The following DCAF8L2 variants were observed in gnomAD, a reference collection of about 807,000 sequenced individuals.
DCAF8L2 encodes DDB1- and CUL4-associated factor 8-like protein 2.
For missense variants in DCAF8L2, 430 were observed against 490.7 expected (o/e 0.88, Z 1.17); for synonymous variants, 200 against 190.9 (o/e 1.05, Z -0.39).
chrX:27,630,025 C>T (rs1464986274), intron 1 of DCAF8L2, among the ~76,000 whole-genome samples: 3 of 111,438 alleles, frequency 2.7e-5, no homozygotes, highest in South Asian at 3.7e-4. Context: ...TTCACCTCCT[C>T]GGTTAAGTTT....
intron 2 of DCAF8L2, among the ~76,000 whole-genome samples, chrX:27,641,012 A>C (rs1928696085): frequency 9.0e-6 from 1 of 111,019 alleles, no homozygotes; most frequent in South Asian, 3.7e-4. Flanking sequence ...ATTTATTTCC[A>C]TTTTCCCTGC....
chrX:27,716,857 T>C (rs1259770372), intron 4 of DCAF8L2, among the ~76,000 whole-genome samples: 1 of 111,715 alleles, frequency 9.0e-6, no homozygotes, highest in African/African-American at 3.3e-5. Context: ...CAGCATGCAT[T>C]AGCCATCCTT....
chrX:27,704,114 A>C (rs994386221), intron 3 of DCAF8L2, among the ~76,000 whole-genome samples: 7 of 101,928 alleles, frequency 6.9e-5, no homozygotes, highest in Non-Finnish European at 7.8e-5. Flanking sequence ...ATGGACACTT[A>C]GGCTATTACC....
the DCAF8L2 span, among the ~76,000 whole-genome samples, chrX:27,505,383 C>T: frequency 8.9e-6 from 1 of 112,054 alleles, no homozygotes; most frequent in Non-Finnish European, 1.9e-5. Flanking sequence ...CAGTCTCTTT[C>T]ACTTTTTCAT....
At chrX:27,473,346 AG>A in the DCAF8L2 span, among the ~76,000 whole-genome samples, 2 of 111,957 alleles carry the variant, frequency 1.8e-5, no homozygotes, top group Admixed American at 1.9e-4. Context: ...TTAATTTTAA[AG>A]ACCTGTGGGT....
intron 2 of DCAF8L2, among the ~76,000 whole-genome samples, chrX:27,663,888 T>A (rs1602711479): frequency 2.1e-5 from 2 of 93,680 alleles, no homozygotes; most frequent in Non-Finnish European, 4.1e-5. Flanking sequence ...TTTTTTTTTT[T>A]AAGTAGAGAT....
At chrX:27,519,248 TAGA>T in the DCAF8L2 span, 2 of 976,382 alleles carry the variant, frequency 2.0e-6, no homozygotes, top group South Asian at 2.0e-5. Context: ...CAGAAATAAC[TAGA>T]AGAACAGACT....
At chrX:27,633,826 T>C (rs1209260257) in intron 2 of DCAF8L2, 1 of 111,923 alleles carries the variant, frequency 8.9e-6, no homozygotes, top group Admixed American at 9.5e-5. Flanking sequence ...TTTCTGATTG[T>C]GTAGTCATGG....
chrX:27,578,906 A>C, the DCAF8L2 span, among the ~76,000 whole-genome samples: 8 of 110,490 alleles, frequency 7.2e-5, no homozygotes, highest in African/African-American at 2.3e-4. Context: ...AAAAAAAAAA[A>C]AACAGATGCT....
the DCAF8L2 span, among the ~76,000 whole-genome samples, chrX:27,497,649 A>T: frequency 1.9e-5 from 2 of 107,934 alleles, no homozygotes; most frequent in Non-Finnish European, 1.9e-5. Flanking sequence ...GCTCACTGCA[A>T]CCTCTGCCTC....
intron 1 of DCAF8L2, among the ~76,000 whole-genome samples, chrX:27,602,153 A>G (rs1926676839): frequency 9.0e-6 from 1 of 110,975 alleles, no homozygotes; most frequent in African/African-American, 3.3e-5. Flanking sequence ...CTCCTGCCTC[A>G]GCCTCCCGAG....
intron 3 of DCAF8L2, among the ~76,000 whole-genome samples, chrX:27,696,917 T>A (rs773016524): frequency 1.8e-5 from 2 of 111,749 alleles, no homozygotes; most frequent in Non-Finnish European, 3.8e-5. Flanking sequence ...TATTGTAGAA[T>A]AATATCCCCA....
At chrX:27,696,225 G>A (rs1307598024) in intron 3 of DCAF8L2, among the ~76,000 whole-genome samples, 1 of 94,367 alleles carries the variant, frequency 1.1e-5, no homozygotes, top group African/African-American at 3.9e-5. Context: ...GAAAAAGAAA[G>A]AAAGAATGAA....
intron 1 of DCAF8L2, chrX:27,627,544 T>TGG (rs1472612703): frequency 2.9e-5 from 1 of 34,685 alleles, no homozygotes; most frequent in Non-Finnish European, 6.3e-5. Context: ...TTGTTGTGTG[T>TGG]GTGTGTGTGT....
chrX:27,472,662 G>A, the DCAF8L2 span, among the ~76,000 whole-genome samples: 4 of 111,369 alleles, frequency 3.6e-5, no homozygotes, highest in Admixed American at 9.6e-5. Flanking sequence ...CTGTTTCTGC[G>A]TTAGTTTGCT....
At chrX:27,621,427 TAAG>T (rs1442404564) in intron 1 of DCAF8L2, among the ~76,000 whole-genome samples, 2 of 110,604 alleles carry the variant, frequency 1.8e-5, no homozygotes, top group African/African-American at 6.6e-5. Context: ...GAAAAAATAA[TAAG>T]CAAGCAAAAT....
At chrX:27,564,278 G>T in the DCAF8L2 span, among the ~76,000 whole-genome samples, 7 of 110,778 alleles carry the variant, frequency 6.3e-5, no homozygotes, top group African/African-American at 2.0e-4. Context: ...GCAGCATGGG[G>T]ATAACCACCC....
intron 4 of DCAF8L2, among the ~76,000 whole-genome samples, chrX:27,739,843 C>T (rs1921751037): frequency 1.8e-5 from 2 of 111,552 alleles, no homozygotes; most frequent in Non-Finnish European, 3.8e-5. Context: ...GGCTGGATAG[C>T]TTACATTTAC....
upstream of DCAF8L2, among the ~76,000 whole-genome samples, chrX:27,588,124 C>T (rs1197518691): frequency 4.7e-5 from 5 of 107,291 alleles, no homozygotes; most frequent in African/African-American, 6.9e-5. Context: ...ACCCAGGTAG[C>T]GAACATAGTC....
Sources: allele counts gnomAD v4.1 joint callset (sites outside exome capture counted in the v4.1 genomes callset), GRCh38; gene constraint gnomAD v4.1.1; transcripts MANE v1.5; gene names NCBI Gene and HGNC (gene_info 2026-07-23, HGNC 2026-07-21).